Variants in EML4 observed in about 807,000 individuals in gnomAD.
The protein encoded by EML4 is echinoderm microtubule-associated protein-like 4.
A neutral mutation model predicts 129.0 loss-of-function variants in EML4; 72 were observed. That is an observed-to-expected ratio of 0.56 (90% CI 0.46 to 0.68). The LOEUF is 0.68. EML4 is among the 30% of genes least tolerant of loss of function. EML4 has a pLI of 0.00. For synonymous variants in EML4, 532 were observed against 405.0 expected (o/e 1.31, Z -3.77); for missense variants, 1,363 against 1,190.6 (o/e 1.14, Z -2.13).
intron 11 of EML4, among the ~76,000 whole-genome samples, chr2:42,290,565 CAAA>C (rs542271059): frequency 4.3e-5 from 5 of 115,612 alleles, no homozygotes; most frequent in African/African-American, 1.3e-4. Flanking sequence ...TTGTCTCTAC[CAAA>C]AAAAAAAAAA....
intron 1 of EML4, among the ~76,000 whole-genome samples, chr2:42,180,728 A>G (rs1670886279): frequency 6.6e-6 from 1 of 152,268 alleles, no homozygotes; most frequent in Admixed American, 6.5e-5. Flanking sequence ...CAACAGAATC[A>G]GGAAATGTTG....
At chr2:42,172,498 A>G (rs1007743020) in intron 1 of EML4, among the ~76,000 whole-genome samples, 2 of 152,220 alleles carry the variant, frequency 1.3e-5, no homozygotes, top group Non-Finnish European at 2.9e-5. Context: ...TTTGTTTTAC[A>G]TAAAAAACAA....
intron 6 of EML4, among the ~76,000 whole-genome samples, chr2:42,279,753 C>T (rs575174958): frequency 2.6e-5 from 4 of 150,948 alleles, no homozygotes; most frequent in South Asian, 2.1e-4. Context: ...GAATTACAGG[C>T]GTGAGCCACC....
intron 17 of EML4, among the ~76,000 whole-genome samples, chr2:42,309,844 ATGT>A (rs1188148913): frequency 2.0e-5 from 3 of 152,212 alleles, no homozygotes; most frequent in South Asian, 4.1e-4. Flanking sequence ...CACTTTCTTG[ATGT>A]TGTTAATAGC....
At chr2:42,190,886 T>G (rs964107544) in intron 1 of EML4, among the ~76,000 whole-genome samples, 4 of 152,248 alleles carry the variant, frequency 2.6e-5, no homozygotes, top group Non-Finnish European at 1.5e-5. Context: ...AAAATTCTTT[T>G]ACTCATTTTT....
At chr2:42,262,329 A>G (rs980688276) in intron 4 of EML4, among the ~76,000 whole-genome samples, 4 of 152,148 alleles carry the variant, frequency 2.6e-5, no homozygotes, top group African/African-American at 9.7e-5. Flanking sequence ...TTTGTAGTTT[A>G]TCTGCCTGGT....
Position 42,245,434 on chromosome 2 carries a change from G to A in EML4, c.26-71G>A, listed in dbSNP as rs1572619034. The A allele has an allele frequency of 2.1e-6, 3 of 1,404,270 alleles. No homozygotes were observed. The East Asian group carries it at 7.5e-5, about 35-fold the overall frequency. The allele number at this position is 1,404,270 out of a possible 1,614,324, so 87.0% of individuals were successfully genotyped here. Reference sequence around the variant, plus strand: ...TCTTTTGTAAGTCTTATGTGGGATGGTTTTTCTAATCAGAAATTACTTCTC... The same window carrying A: ...TCTTTTGTAAGTCTTATGTGGGATGATTTTTCTAATCAGAAATTACTTCTC... On this transcript the variant is annotated intron_variant, in intron 1 of 22. Transcript: ENST00000318522.
At chr2:42,328,289 A>C (rs986840089) in intron 21 of EML4, among the ~76,000 whole-genome samples, 3 of 152,236 alleles carry the variant, frequency 2.0e-5, no homozygotes, top group Non-Finnish European at 4.4e-5. Flanking sequence ...TATGTTCGAC[A>C]TGATCATTAG....
chr2:42,250,045 C>G (rs1675663734), intron 2 of EML4, among the ~76,000 whole-genome samples: 1 of 152,204 alleles, frequency 6.6e-6, no homozygotes, highest in Non-Finnish European at 1.5e-5. Context: ...ATTAGGACCT[C>G]TTGAGGTGAC....
At position 42,330,008 on chromosome 2, in the gene EML4, T is replaced by A; in HGVS notation, c.2747T>A (p.Ile916Lys). Residue 916 changes from isoleucine (I) to lysine (K), a missense_variant, in exon 23 of 23, where the codon ATA (isoleucine) becomes AAA (lysine). Ile to Lys is a moderately radical substitution (Grantham distance 102). Transcript: ENST00000318522. ...LNETAEEESR[I>K]SSSPTLLENS... ...GAGACAGCTGAAGAGGAAAGTAGAA[T>A]AAGCAGTTCTCCCACACTTCTGGAG... is the stretch of plus-strand genomic sequence containing the variant. The A allele has an allele frequency of 1.9e-6, 3 of 1,613,744 alleles. No individual in the cohort carries two copies. Among genetic ancestry groups the A allele is most frequent in the Non-Finnish European group, 2.5e-6 (3 of 1,179,984 alleles).
At chr2:42,282,381 T>A (rs1383925705) in intron 7 of EML4, among the ~76,000 whole-genome samples, 1 of 150,552 alleles carries the variant, frequency 6.6e-6, no homozygotes, top group Non-Finnish European at 1.5e-5. Context: ...TGAGTTTTCC[T>A]TTTTTTTGGT....
In EML4 at chr2:42,272,418, A is replaced by G. The variant is rs1256551500; in HGVS notation, c.667+7687A>G. Among the ~76,000 whole-genome samples the G allele has an allele frequency of 2.6e-5, 4 of 152,134 alleles. No individual in the cohort carries two copies. In the East Asian group the frequency reaches 7.7e-4, roughly 29 times the overall value. On this transcript the variant is annotated intron_variant, in intron 6 of 22. Coordinates refer to ENST00000318522, the MANE Select transcript of EML4 (RefSeq NM_019063.5). ...AATATATTCAAATAATATAGTGAGC[A>G]CCTGTATACTGACCACCCAGATTTA... is the stretch of plus-strand genomic sequence containing the variant.
intron 1 of EML4, among the ~76,000 whole-genome samples, chr2:42,202,542 C>G (rs1379215160): frequency 6.6e-6 from 1 of 152,174 alleles, no homozygotes; most frequent in African/African-American, 2.4e-5. Context: ...CATCTCCACA[C>G]TGAGGAGCAA....
Position 42,264,738 on chromosome 2 carries a change from T to G in EML4, c.667+7T>G. On this transcript the variant is annotated splice_region_variant and intron_variant, in intron 6 of 22. Transcript: ENST00000318522. ...GATGTCATCATCAACCAAGGTAAAT[T>G]AAAAATCCTTTTAAAAATTTTATTT... 6.8e-7 allele frequency: 1 copy of G among 1,460,914 alleles called. No homozygotes were observed. 90.5% of individuals were successfully genotyped at this position (1,460,914 alleles called of 1,614,324 possible).
intron 1 of EML4, among the ~76,000 whole-genome samples, chr2:42,184,385 TC>T (rs1328719257): frequency 2.6e-5 from 2 of 77,264 alleles, no homozygotes; most frequent in Non-Finnish European, 4.6e-5. Context: ...CCCTCCCCCC[TC>T]CCCCCACCCC....
chr2:42,198,215 A>AT (rs959164498), intron 1 of EML4, among the ~76,000 whole-genome samples: 65 of 150,642 alleles, frequency 4.3e-4, no homozygotes, highest in Non-Finnish European at 4.6e-4. Flanking sequence ...TTAAAATTGA[A>AT]TTTTTTTTTT....
At chr2:42,192,211 G>GGT (rs386354940) in intron 1 of EML4, among the ~76,000 whole-genome samples, 6 of 139,130 alleles carry the variant, frequency 4.3e-5, no homozygotes, top group Non-Finnish European at 9.0e-5. Flanking sequence ...TTCTTTGCTG[G>GGT]TTTTTTTTTG....
chr2:42,216,219 C>A (rs1334531624), intron 1 of EML4, among the ~76,000 whole-genome samples: 2 of 148,314 alleles, frequency 1.3e-5, no homozygotes, highest in African/African-American at 5.0e-5. Flanking sequence ...GCTACCACAC[C>A]CGGCCCACTT....
intron 1 of EML4, among the ~76,000 whole-genome samples, chr2:42,211,342 ACTT>A (rs778368926): frequency 2.0e-5 from 3 of 152,158 alleles, no homozygotes; most frequent in African/African-American, 7.2e-5. Context: ...AAAAGGAAGA[ACTT>A]CTTAGAGGTT....
Sources: allele counts gnomAD v4.1 joint callset (sites outside exome capture counted in the v4.1 genomes callset), GRCh38; gene constraint gnomAD v4.1.1; transcripts MANE v1.5; gene names NCBI Gene and HGNC (gene_info 2026-07-23, HGNC 2026-07-21).